The following RFX3 variants were observed in gnomAD, a reference collection of about 807,000 sequenced individuals.
RFX3 encodes the protein transcription factor RFX3.
Under a neutral mutation model 98.6 loss-of-function variants are expected in RFX3, and 14 were observed. The observed-to-expected ratio is 0.14, with a 90% CI of 0.09 to 0.22. The LOEUF (loss-of-function observed/expected upper bound fraction) is 0.22, where lower values mean the gene tolerates loss of function less well. Ranked by LOEUF, RFX3 falls within the 10% of genes least tolerant of loss-of-function variation. RFX3 has a pLI of 1.00. For missense variants in RFX3, 639 were observed against 926.9 expected (o/e 0.69, Z 4.03); for synonymous variants, 383 against 328.4 (o/e 1.17, Z -1.80).
intron 9 of RFX3, among the ~76,000 whole-genome samples, chr9:3,272,180 T>A (rs1824580360): frequency 6.6e-6 from 1 of 152,126 alleles, no homozygotes; most frequent in African/African-American, 2.4e-5. Context: ...CAAGAACACA[T>A]GATTTTGTGA....
At position 3,355,598 on chromosome 9, in the gene RFX3, T is replaced by C. The variant is rs142650042; in HGVS notation, c.118-8834A>G. 5.0e-3 allele frequency among the ~76,000 whole-genome samples: 757 copies of C among 151,994 alleles called. 7 individuals are homozygous for C. Among genetic ancestry groups the C allele is most frequent in the Admixed American group, 8.3e-3 (127 of 15,236 alleles). Reference sequence around the variant, plus strand: ...AGAAAATTTAAAAATCCAGTTACAATTGGAGACTTCAGCATTCTTTTTTCC... The same window carrying C: ...AGAAAATTTAAAAATCCAGTTACAACTGGAGACTTCAGCATTCTTTTTTCC... On this transcript the variant is annotated intron_variant, in intron 2 of 16. Transcript: ENST00000617270.
intron 14 of RFX3, among the ~76,000 whole-genome samples, chr9:3,254,729 A>G (rs763194575): frequency 1.3e-5 from 2 of 152,086 alleles, no homozygotes; most frequent in Non-Finnish European, 2.9e-5. Context: ...TTCCCAAATT[A>G]AATTTTCTAA....
chr9:3,257,889 G>C (rs756577211), intron 13 of RFX3, among the ~76,000 whole-genome samples: 1 of 152,124 alleles, frequency 6.6e-6, no homozygotes, highest in Admixed American at 6.5e-5. Context: ...TGTGATTATT[G>C]CAATTTTCCT....
intron 7 of RFX3, among the ~76,000 whole-genome samples, chr9:3,285,782 C>T (rs530860665): frequency 5.8e-4 from 88 of 151,688 alleles, no homozygotes; most frequent in Non-Finnish European, 1.1e-3. Flanking sequence ...TTTATTAATA[C>T]TACTGAGATT....
chr9:3,323,209 G>A (rs1831509841), intron 4 of RFX3, among the ~76,000 whole-genome samples: 1 of 152,124 alleles, frequency 6.6e-6, no homozygotes, highest in Admixed American at 6.6e-5. Context: ...AATATGCACA[G>A]GAACATGGAG....
At chr9:3,320,304 G>A (rs1831113793) in intron 4 of RFX3, among the ~76,000 whole-genome samples, 1 of 152,068 alleles carries the variant, frequency 6.6e-6, no homozygotes, top group South Asian at 2.1e-4. Flanking sequence ...TGTAGTCCCA[G>A]CACTTTGGGA....
At chr9:3,465,066 G>C (rs1046172501) in intron 1 of RFX3, among the ~76,000 whole-genome samples, 11 of 152,196 alleles carry the variant, frequency 7.2e-5, no homozygotes, top group African/African-American at 2.6e-4. Context: ...TGTTAAAGGG[G>C]TGCTTTATTA....
At chr9:3,452,889 C>T (rs1016924378) in intron 1 of RFX3, among the ~76,000 whole-genome samples, 3 of 152,132 alleles carry the variant, frequency 2.0e-5, no homozygotes, top group Non-Finnish European at 4.4e-5. Context: ...AGCATGGCTC[C>T]AGGAGATTAG....
At chr9:3,390,479 C>T (rs556622436) in intron 2 of RFX3, among the ~76,000 whole-genome samples, 1 of 152,176 alleles carries the variant, frequency 6.6e-6, no homozygotes, top group South Asian at 2.1e-4. Flanking sequence ...GAAGTGGTCT[C>T]AGATGGAGAT....
chr9:3,312,556 T>C (rs1830080478), intron 4 of RFX3, among the ~76,000 whole-genome samples: 1 of 151,958 alleles, frequency 6.6e-6, no homozygotes, highest in Non-Finnish European at 1.5e-5. Flanking sequence ...GGATAAACTG[T>C]TCTTTTAATC....
chr9:3,346,806 A>G (rs1177908895), intron 2 of RFX3, 42 bp from the exon 3 acceptor site: 1 of 1,176,928 alleles, frequency 8.5e-7, no homozygotes, highest in Non-Finnish European at 1.3e-6. Context: ...GGTAGGTATG[A>G]TAGGAAGAAT....
rs768300793 is a variant in RFX3 at position 3,395,580 on chromosome 9, T to C, written c.9A>G (p.Thr3=). 4.4e-5 allele frequency: 71 copies of C among 1,614,036 alleles called. No individual in the cohort carries two copies. The highest frequency in any genetic ancestry group is 3.4e-6 in the Non-Finnish European group (4 of 1,180,004). Residue 3 remains threonine (T), a synonymous_variant, in exon 2 of 17, where the codon ACA becomes ACG. Transcript: ENST00000617270. ...AGCCTGTGTCCGACCCAGTCTCTGA[T>C]GTCTGCATGATGGTCTCTGAAATAG... MQ[T]SETGSDTGST...
intron 9 of RFX3, among the ~76,000 whole-genome samples, chr9:3,274,935 C>T (rs1405311971): frequency 6.6e-6 from 1 of 151,834 alleles, no homozygotes; most frequent in Non-Finnish European, 1.5e-5. Context: ...TACATAAACA[C>T]ACATGTTATT....
At chr9:3,428,190 T>G (rs560583212) in intron 1 of RFX3, among the ~76,000 whole-genome samples, 14 of 152,272 alleles carry the variant, frequency 9.2e-5, no homozygotes, top group African/African-American at 2.6e-4. Flanking sequence ...ATCAAGGCAT[T>G]ACATCAAGGC....
At chr9:3,377,660 G>C (rs952770957) in intron 2 of RFX3, among the ~76,000 whole-genome samples, 9 of 152,124 alleles carry the variant, frequency 5.9e-5, no homozygotes, top group Non-Finnish European at 8.8e-5. Context: ...AAAATATAAA[G>C]CGATCTAAAT....
chr9:3,510,117 G>A (rs1320444966), intron 1 of RFX3, among the ~76,000 whole-genome samples: 1 of 151,964 alleles, frequency 6.6e-6, no homozygotes, highest in Non-Finnish European at 1.5e-5. Context: ...GTAGTCCCAT[G>A]GCTGTCTCTT....
At position 3,491,822 on chromosome 9, in the gene RFX3, T is replaced by C. The variant is rs74358519; in HGVS notation, c.-9+33925A>G. Among the ~76,000 whole-genome samples the C allele has an allele frequency of 6.4e-4, 98 of 152,328 alleles. No homozygotes were observed. In the East Asian group the frequency reaches 0.017, roughly 26 times the overall value. ...CAATTCATTTCTTAAAAGTTCCTTC[T>C]TGTATATTATTCAATTATTCATTTA... On this transcript the variant is annotated intron_variant, in intron 1 of 16. Coordinates refer to ENST00000617270, the MANE Select transcript of RFX3 (RefSeq NM_001282116.2).
At chr9:3,253,845 A>T (rs766209463) in intron 14 of RFX3, among the ~76,000 whole-genome samples, 24 of 152,180 alleles carry the variant, frequency 1.6e-4, no homozygotes, top group Non-Finnish European at 2.9e-4. Context: ...AACATTAAAA[A>T]ATATTCTAAT....
At chr9:3,339,385 C>T (rs376718397) in intron 3 of RFX3, among the ~76,000 whole-genome samples, 17 of 151,022 alleles carry the variant, frequency 1.1e-4, no homozygotes, top group African/African-American at 4.2e-4. Flanking sequence ...AATTTATAAA[C>T]AAGAAAAACC....
Sources: gnomAD v4.1 joint callset for allele counts (sites outside exome capture counted in the v4.1 genomes callset) on GRCh38, gnomAD v4.1.1 for gene constraint, MANE v1.5 for transcripts, NCBI Gene and HGNC (gene_info 2026-07-23, HGNC 2026-07-21) for gene names.